The following MTUS2 variants were observed in gnomAD, a reference collection of about 807,000 sequenced individuals.
MTUS2 encodes the protein microtubule associated scaffold protein 2, also known as microtubule-associated tumor suppressor candidate 2.
Under a neutral mutation model 114.1 loss-of-function variants are expected in MTUS2, and 40 were observed. The observed-to-expected ratio is 0.35, with a 90% CI of 0.27 to 0.46. The LOEUF (loss-of-function observed/expected upper bound fraction) is 0.46. MTUS2 is among the 20% of genes least tolerant of loss of function. MTUS2 has a pLI of 1.00. For synonymous variants in MTUS2, 688 were observed against 672.0 expected (o/e 1.02, Z -0.37); for missense variants, 1,679 against 1,705.4 (o/e 0.98, Z 0.27).
intron 5 of MTUS2, among the ~76,000 whole-genome samples, chr13:29,103,353 G>A (rs1890505768): frequency 6.6e-6 from 1 of 152,186 alleles, no homozygotes; most frequent in Non-Finnish European, 1.5e-5. Flanking sequence ...TGGCTCCTAG[G>A]CTGCAAACCT....
chr13:29,102,120 A>AG (rs1289844823), intron 5 of MTUS2, among the ~76,000 whole-genome samples: 2 of 152,256 alleles, frequency 1.3e-5, no homozygotes, highest in Non-Finnish European at 2.9e-5. Flanking sequence ...ATTACACAGT[A>AG]GGGGTCTCAA....
chr13:29,190,411 C>A (rs189760127), intron 5 of MTUS2, among the ~76,000 whole-genome samples: 1 of 152,314 alleles, frequency 6.6e-6, no homozygotes, highest in Admixed American at 6.5e-5. Context: ...ATAAAGCTGG[C>A]AAGTGGTGGA....
intron 5 of MTUS2, among the ~76,000 whole-genome samples, chr13:29,184,237 A>T (rs1272290900): frequency 6.6e-6 from 1 of 152,194 alleles, no homozygotes; most frequent in Non-Finnish European, 1.5e-5. Context: ...TGTAACATAT[A>T]ACCCAACTCT....
chr13:28,971,083 A>G (rs948283149), intron 2 of MTUS2, among the ~76,000 whole-genome samples: 2 of 152,240 alleles, frequency 1.3e-5, no homozygotes, highest in African/African-American at 4.8e-5. Context: ...TCATCCCTGG[A>G]ACACACATTG....
intron 2 of MTUS2, among the ~76,000 whole-genome samples, chr13:28,846,053 A>T (rs376783993): frequency 1.2e-4 from 11 of 91,960 alleles, no homozygotes; most frequent in African/African-American, 3.1e-4. Context: ...TCTTAAAAAA[A>T]AAATATATAT....
intron 6 of MTUS2, among the ~76,000 whole-genome samples, chr13:29,292,991 A>G (rs1188078791): frequency 6.6e-6 from 1 of 152,214 alleles, no homozygotes; most frequent in African/African-American, 2.4e-5. Flanking sequence ...ATAATTGACA[A>G]TTACTTTAAT....
rs1886519238 is a variant in MTUS2 at position 29,025,952 on chromosome 13, A to G, written c.1254A>G (p.Ala418=). 6.2e-7 allele frequency: 1 copy of G among 1,613,912 alleles called. No individual in the cohort carries two copies. Among genetic ancestry groups the G allele is most frequent in the Non-Finnish European group, 8.5e-7 (1 of 1,179,890 alleles). The change falls in exon 3 of 16, where the codon GCA becomes GCG. Residue 418 remains alanine, a synonymous_variant. Transcript: ENST00000612955. ...CCACTGGCAAAATTTCACCATGTGC[A>G]GGTGAGAAGTTGGGTGAAAGGACAT... ...NQPTGKISPC[A]GEKLGERTSS...
chr13:28,862,891 A>G (rs1405330915), intron 2 of MTUS2, among the ~76,000 whole-genome samples: 2 of 152,236 alleles, frequency 1.3e-5, no homozygotes, highest in African/African-American at 4.8e-5. Context: ...GATATTTCCC[A>G]GTAGAGTCAT....
At chr13:29,200,510 T>C (rs914747220) in intron 5 of MTUS2, among the ~76,000 whole-genome samples, 1 of 120,472 alleles carries the variant, frequency 8.3e-6, no homozygotes, top group African/African-American at 3.3e-5. Flanking sequence ...TTTGAGTGAG[T>C]TTCTTTTTCT....
rs538172728 is a variant in MTUS2 at position 29,082,147 on chromosome 13, C to T, written c.2447-18626C>T. The stretch of plus-strand genomic sequence containing the variant: ...ACAAGAAGAAACACTTGAGTTTCCT[C>T]TTCTGCTGTGTGAGGACACAGCAAT... On this transcript the variant is annotated intron_variant, in intron 4 of 15. Coordinates refer to ENST00000612955, the MANE Select transcript of MTUS2 (RefSeq NM_001033602.4). Among the ~76,000 whole-genome samples, 378 of 152,294 alleles carry T rather than the reference C, an allele frequency of 2.5e-3. 1 individual carries two copies. Among genetic ancestry groups the T allele is most frequent in the South Asian group, 5.2e-3 (25 of 4,826 alleles).
intron 5 of MTUS2, among the ~76,000 whole-genome samples, chr13:29,224,080 G>C (rs932888129): frequency 8.5e-5 from 13 of 152,214 alleles, no homozygotes; most frequent in African/African-American, 3.1e-4. Flanking sequence ...GCAGGAATGG[G>C]ATCCAGGCTG....
At chr13:29,382,619 G>T (rs1049225529) in intron 8 of MTUS2, among the ~76,000 whole-genome samples, 1 of 152,132 alleles carries the variant, frequency 6.6e-6, no homozygotes, top group Non-Finnish European at 1.5e-5. Flanking sequence ...TGTTAAGTAG[G>T]CCAAATAAAA....
At chr13:28,998,853 G>A (rs893354946) in intron 2 of MTUS2, among the ~76,000 whole-genome samples, 1 of 152,058 alleles carries the variant, frequency 6.6e-6, no homozygotes, top group African/African-American at 2.4e-5. Context: ...CCTTTAGCTC[G>A]GAGTAGTTTG....
intron 4 of MTUS2, among the ~76,000 whole-genome samples, chr13:29,062,579 G>A (rs1167752094): frequency 6.6e-6 from 1 of 152,026 alleles, no homozygotes; most frequent in East Asian, 1.9e-4. Flanking sequence ...CTAAGACCTG[G>A]TTTGATATGT....
intron 5 of MTUS2, among the ~76,000 whole-genome samples, chr13:29,249,066 C>A (rs927376814): frequency 6.6e-6 from 1 of 152,192 alleles, no homozygotes; most frequent in East Asian, 1.9e-4. Flanking sequence ...CGACTCACTG[C>A]AACTTCTGAC....
intron 7 of MTUS2, among the ~76,000 whole-genome samples, chr13:29,333,862 T>A (rs1293940686): frequency 2.0e-5 from 3 of 152,192 alleles, no homozygotes; most frequent in Non-Finnish European, 4.4e-5. Context: ...TTTATGAAGC[T>A]GAGTGCTCCT....
chr13:29,502,257 C>T (rs1372408077), intron 15 of MTUS2, among the ~76,000 whole-genome samples: 1 of 152,242 alleles, frequency 6.6e-6, no homozygotes, highest in Non-Finnish European at 1.5e-5. Flanking sequence ...CTTTAAAATG[C>T]ATATGTACTT....
intron 8 of MTUS2, among the ~76,000 whole-genome samples, chr13:29,363,200 C>T (rs1870415182): frequency 2.6e-5 from 4 of 152,174 alleles, no homozygotes; most frequent in Admixed American, 2.0e-4. Context: ...CCTGGTGGCT[C>T]TCCCATGAAA....
At chr13:29,220,738 A>C (rs909426346) in intron 5 of MTUS2, among the ~76,000 whole-genome samples, 1 of 152,216 alleles carries the variant, frequency 6.6e-6, no homozygotes, top group Non-Finnish European at 1.5e-5. Context: ...ACAATGAAAA[A>C]GTTTGAAAGA....
Sources: gnomAD v4.1 joint callset for allele counts (sites outside exome capture counted in the v4.1 genomes callset) on GRCh38, gnomAD v4.1.1 for gene constraint, MANE v1.5 for transcripts, NCBI Gene and HGNC (gene_info 2026-07-23, HGNC 2026-07-21) for gene names.